The following CSMD3 variants were observed in gnomAD, a reference collection of about 807,000 sequenced individuals.
CSMD3 encodes CUB and Sushi multiple domains 3.
Under a neutral mutation model 435.2 loss-of-function variants are expected in CSMD3, and 177 were observed. The ratio of observed to expected loss-of-function variants is 0.41; its 90% confidence interval spans 0.36 to 0.46. CSMD3 has a LOEUF of 0.46. CSMD3 is among the 20% of genes least tolerant of loss of function. CSMD3 has a pLI of 0.34. For synonymous variants in CSMD3, 1,656 were observed against 1,520.5 expected (o/e 1.09, Z -2.07); for missense variants, 4,265 against 4,504.6 (o/e 0.95, Z 1.52).
chr8:113,155,149 A>G (rs1327901626), intron 4 of CSMD3, among the ~76,000 whole-genome samples: 7 of 152,052 alleles, frequency 4.6e-5, no homozygotes, highest in Admixed American at 2.0e-4. Flanking sequence ...AGTGAAAGCT[A>G]TTACTGAAGT....
At chr8:113,102,812 G>T (rs2090368397) in intron 4 of CSMD3, among the ~76,000 whole-genome samples, 1 of 152,132 alleles carries the variant, frequency 6.6e-6, no homozygotes, top group Admixed American at 6.6e-5. Flanking sequence ...GTCAGACCTT[G>T]CAGGACATTT....
chr8:113,020,142 C>G (rs1283400491), intron 5 of CSMD3, among the ~76,000 whole-genome samples: 1 of 135,174 alleles, frequency 7.4e-6, no homozygotes, highest in East Asian at 2.2e-4. Flanking sequence ...CGCAGTCCGG[C>G]CTGGGCGACA....
intron 32 of CSMD3, among the ~76,000 whole-genome samples, chr8:112,428,047 C>T (rs1038031847): frequency 6.6e-6 from 1 of 152,144 alleles, no homozygotes; most frequent in Non-Finnish European, 1.5e-5. Context: ...CACATTTCCC[C>T]CAGCTATTTC....
intron 22 of CSMD3, among the ~76,000 whole-genome samples, chr8:112,593,772 T>C (rs2131378588): frequency 6.6e-6 from 1 of 152,322 alleles, no homozygotes; most frequent in Non-Finnish European, 1.5e-5. Flanking sequence ...GTCATCAGTG[T>C]TAAATCAGAG....
chr8:112,258,094 C>A (rs1475537303), intron 61 of CSMD3, among the ~76,000 whole-genome samples: 1 of 152,174 alleles, frequency 6.6e-6, no homozygotes, highest in Non-Finnish European at 1.5e-5. Context: ...AAAACTGAAA[C>A]TGTACCCCTT....
chr8:112,846,099 A>G (rs1397352129), intron 11 of CSMD3, among the ~76,000 whole-genome samples: 1 of 152,038 alleles, frequency 6.6e-6, no homozygotes, highest in Non-Finnish European at 1.5e-5. Context: ...TGTTTTCATT[A>G]TAAAATGAAG....
At chr8:112,640,041 C>T (rs2074779115) in intron 20 of CSMD3, among the ~76,000 whole-genome samples, 1 of 152,140 alleles carries the variant, frequency 6.6e-6, no homozygotes, top group Non-Finnish European at 1.5e-5. Flanking sequence ...CCATAGACAA[C>T]ATGGTTGCTC....
intron 2 of CSMD3, among the ~76,000 whole-genome samples, chr8:113,287,938 T>C (rs1172762347): frequency 6.6e-6 from 1 of 151,918 alleles, no homozygotes; most frequent in African/African-American, 2.4e-5. Context: ...GCTTGAAATA[T>C]TTCATTTTTT....
At chr8:113,384,056 A>G (rs1172080275) in intron 1 of CSMD3, among the ~76,000 whole-genome samples, 2 of 152,180 alleles carry the variant, frequency 1.3e-5, no homozygotes, top group Non-Finnish European at 2.9e-5. Flanking sequence ...TGTTCATCTT[A>G]CCTCTTAATA....
intron 1 of CSMD3, among the ~76,000 whole-genome samples, chr8:113,413,009 T>G (rs946790213): frequency 2.0e-5 from 3 of 152,118 alleles, no homozygotes; most frequent in African/African-American, 4.8e-5. Flanking sequence ...CATGATAAAT[T>G]AGCTATCTCC....
intron 27 of CSMD3, among the ~76,000 whole-genome samples, chr8:112,531,884 C>T (rs76064457): frequency 0.063 from 9,634 of 151,942 alleles, 417 homozygotes; most frequent in African/African-American, 0.13. Context: ...CTAACTAAGG[C>T]GCCAGTGATT....
chr8:112,605,186 G>C (rs1002379444), intron 22 of CSMD3, among the ~76,000 whole-genome samples: 1 of 152,276 alleles, frequency 6.6e-6, no homozygotes, highest in Middle Eastern at 3.4e-3. Flanking sequence ...TGGTGGGTAT[G>C]TAAGTTAGTT....
intron 31 of CSMD3, among the ~76,000 whole-genome samples, chr8:112,476,968 T>G (rs932721034): frequency 6.6e-6 from 1 of 152,140 alleles, no homozygotes; most frequent in Non-Finnish European, 1.5e-5. Flanking sequence ...TTATCATATT[T>G]CTCTTCTCTT....
Position 112,947,881 on chromosome 8 carries a change from C to T in CSMD3, c.1421-4G>A, listed in dbSNP as rs2130798560. 7.4e-7 allele frequency: 1 copy of T among 1,345,722 alleles called. No individual in the cohort carries two copies. The allele number at this position is 1,345,722 out of a possible 1,614,324, so 83.4% of individuals were successfully genotyped here. ...GTTTTAATACCTCCCTCATTTACTG[C>T]AACAGCAGGGAAAAAAGAAAAAAGA... On this transcript the variant is annotated splice_polypyrimidine_tract_variant and splice_region_variant and intron_variant, in intron 8 of 70. Transcript: ENST00000297405.
intron 11 of CSMD3, among the ~76,000 whole-genome samples, chr8:112,852,788 G>A (rs901738552): frequency 1.3e-5 from 2 of 152,044 alleles, no homozygotes; most frequent in Non-Finnish European, 1.5e-5. Context: ...TGGGCATGGT[G>A]GTGGGCGCCT....
chr8:112,915,044 G>A (rs1271462706), intron 10 of CSMD3, among the ~76,000 whole-genome samples: 1 of 151,854 alleles, frequency 6.6e-6, no homozygotes, highest in Admixed American at 6.6e-5. Context: ...TAGGAAATAA[G>A]TTTTTCTACA....
chr8:112,556,105 AAGAAAAAG>A (rs1828090759), intron 25 of CSMD3, among the ~76,000 whole-genome samples: 2 of 151,962 alleles, frequency 1.3e-5, no homozygotes, highest in Non-Finnish European at 1.5e-5. Flanking sequence ...TAGAGCAGAA[AAGAAAAAG>A]AGAAAAAGAG....
chr8:112,688,154 G>A (rs2076053001), intron 14 of CSMD3, among the ~76,000 whole-genome samples: 1 of 152,124 alleles, frequency 6.6e-6, no homozygotes, highest in East Asian at 1.9e-4. Context: ...AAAATACATG[G>A]AAAGGAGGAT....
At chr8:112,843,326 C>A (rs1393656936) in intron 11 of CSMD3, among the ~76,000 whole-genome samples, 2 of 151,860 alleles carry the variant, frequency 1.3e-5, no homozygotes, top group African/African-American at 4.8e-5. Context: ...CAGCATTAAG[C>A]TCCCTTGTCT....
Sources: allele counts gnomAD v4.1 joint callset (sites outside exome capture counted in the v4.1 genomes callset), GRCh38; gene constraint gnomAD v4.1.1; transcripts MANE v1.5; gene names NCBI Gene and HGNC (gene_info 2026-07-23, HGNC 2026-07-21).